ZNF354A: variants seen among roughly 807,000 people sequenced by gnomAD.
ZNF354A encodes the protein zinc finger protein 354A.
In ZNF354A, 25 loss-of-function variants were observed where a neutral mutation model predicts 53.3. The observed-to-expected ratio is 0.47, with a 90% CI of 0.34 to 0.66. The LOEUF is 0.66. Ranked by LOEUF, ZNF354A falls within the 30% of genes least tolerant of loss-of-function variation. ZNF354A has a pLI of 0.01. For synonymous variants in ZNF354A, 228 were observed against 249.0 expected, an observed-to-expected ratio of 0.92 and a Z score of 0.79; for missense variants, 586 against 716.8, an observed-to-expected ratio of 0.82 and a Z score of 2.08.
In ZNF354A at chr5:178,717,056, C is replaced by T. The variant is rs904189608; in HGVS notation, c.257-3435G>A. 2.4e-5 allele frequency among the ~76,000 whole-genome samples: 3 copies of T among 122,616 alleles called. No individual in the cohort carries two copies. The Admixed American group carries it at 3.5e-4, about 14-fold the overall frequency. 80.4% of individuals were successfully genotyped at this position (122,616 alleles called of 152,430 possible). A position where few individuals can be genotyped will look rare whatever the true frequency, so the allele number is the denominator to read the frequency against. ...TCACATGACTGCACACCAGCCTGGG[C>T]GACAGAGTGAGACTCCATCTCAAAA... On this transcript the variant is annotated intron_variant, in intron 4 of 4. Coordinates refer to ENST00000335815, the MANE Select transcript of ZNF354A (RefSeq NM_005649.3).
chr5:178,716,838 G>T (rs1765724016), intron 4 of ZNF354A, among the ~76,000 whole-genome samples: 1 of 152,106 alleles, frequency 6.6e-6, no homozygotes, highest in South Asian at 2.1e-4. Flanking sequence ...TAGCACTTTG[G>T]GAGGCCGAGG....
intron 4 of ZNF354A, among the ~76,000 whole-genome samples, chr5:178,716,834 T>G (rs1295169241): frequency 6.6e-6 from 1 of 151,762 alleles, no homozygotes; most frequent in Non-Finnish European, 1.5e-5. Flanking sequence ...ATCCTAGCAC[T>G]TTGGGAGGCC....
At chr5:178,727,384 CTCTT>C (rs1429402525) in intron 2 of ZNF354A, among the ~76,000 whole-genome samples, 3 of 152,170 alleles carry the variant, frequency 2.0e-5, no homozygotes, top group African/African-American at 7.2e-5. Context: ...AATTAGAAAA[CTCTT>C]TCTGATGGCG....
At chr5:178,715,983 C>A (rs1382295763) in intron 4 of ZNF354A, among the ~76,000 whole-genome samples, 1 of 151,716 alleles carries the variant, frequency 6.6e-6, no homozygotes, top group African/African-American at 2.4e-5. Context: ...TGCAACCTCC[C>A]CCTCCCAGGT....
intron 4 of ZNF354A, among the ~76,000 whole-genome samples, chr5:178,724,594 T>TCA (rs1189213364): frequency 6.6e-6 from 1 of 152,168 alleles, no homozygotes; most frequent in Non-Finnish European, 1.5e-5. Context: ...CATAAGAACG[T>TCA]CACAAATATA....
intron 4 of ZNF354A, among the ~76,000 whole-genome samples, chr5:178,721,257 A>G (rs1212085871): frequency 1.3e-5 from 2 of 152,156 alleles, no homozygotes; most frequent in South Asian, 2.1e-4. Flanking sequence ...AGTGTGTTAC[A>G]CAAATCTAGA....
chr5:178,724,250 A>G (rs1326092053), intron 4 of ZNF354A, among the ~76,000 whole-genome samples: 7 of 148,690 alleles, frequency 4.7e-5, no homozygotes, highest in Middle Eastern at 6.9e-3. Flanking sequence ...TTTAAGACAG[A>G]GTCTCACTCT....
At chr5:178,725,554 C>G (rs1247242580) in intron 3 of ZNF354A, 83 bp from the exon 4 acceptor site, 5 of 1,420,122 alleles carry the variant, frequency 3.5e-6, no homozygotes, top group South Asian at 2.4e-5. Flanking sequence ...AAATACAGAA[C>G]TCACAGGATG....
chr5:178,726,284 A>T (rs976764423), intron 3 of ZNF354A: 1 of 448,456 alleles, frequency 2.2e-6, no homozygotes, highest in Admixed American at 2.4e-5. Flanking sequence ...ACCATTACGC[A>T]GCCCACAAAG....
In ZNF354A at chr5:178,712,812, A is replaced by C. The variant is rs1438372839; in HGVS notation, c.1066T>G (p.Cys356Gly). The C allele has an allele frequency of 6.2e-7, 1 of 1,614,022 alleles. No individual in the cohort carries two copies. Among genetic ancestry groups the C allele is most frequent in the Non-Finnish European group, 8.5e-7 (1 of 1,180,024 alleles). ...TTAAAGGTGTTGCCACATTCATTAC[A>C]TAAGTAGGACTTCTTTCTAGAATGA... ...RIHSRKKSYL[C>G]NECGNTFKSS... Residue 356 changes from cysteine (C) to glycine (G), a missense_variant, in exon 5 of 5, where the codon TGT becomes GGT. Cys to Gly is a radical substitution (Grantham distance 159, BLOSUM62 -3). Transcript: ENST00000335815.
At position 178,728,782 on chromosome 5, in the gene ZNF354A, C is replaced by CAAAAAAAAAA. The variant is rs1157233878; in HGVS notation, c.33+198_33+207dup. ...ACTGCCTGGGCGACAAAGCGAGATTCAAAAAAAAAAAAAAAAAAGAGAACC... is the reference window on the plus strand; with the variant it reads ...ACTGCCTGGGCGACAAAGCGAGATTCAAAAAAAAAAAAAAAAAAAAAAAAAAAAGAGAACC... On this transcript the variant is annotated intron_variant, in intron 2 of 4. Transcript: ENST00000335815. Among the ~76,000 whole-genome samples, 118 of 50,830 alleles carry CAAAAAAAAAA rather than the reference C, an allele frequency of 2.3e-3. 1 individual carries two copies. The highest frequency in any genetic ancestry group is 5.2e-3 in the African/African-American group (55 of 10,666). 33.3% of individuals were successfully genotyped at this position (50,830 alleles called of 152,430 possible).
chr5:178,719,218 T>C (rs897447924), intron 4 of ZNF354A, among the ~76,000 whole-genome samples: 4 of 152,246 alleles, frequency 2.6e-5, no homozygotes, highest in African/African-American at 9.6e-5. Flanking sequence ...GGCTCTATCC[T>C]AGGCATCGGT....
intron 1 of ZNF354A, among the ~76,000 whole-genome samples, chr5:178,729,872 G>GCTTCTTCTTTTTTTT (rs746292908): frequency 1.4e-5 from 2 of 143,338 alleles, no homozygotes; most frequent in African/African-American, 2.6e-5. Flanking sequence ...CTAACACGAT[G>GCTTCTTCTTTTTTTT]TTTCTTTTTT....
chr5:178,720,141 C>A lies in ZNF354A; in HGVS notation c.256+5235G>T, dbSNP rs1765785889. On this transcript the variant is annotated intron_variant, in intron 4 of 4. Coordinates refer to ENST00000335815, the MANE Select transcript of ZNF354A (RefSeq NM_005649.3). ...TTTTAGAAATGTTGTTGTGGTAACT[C>A]TTATTTTTAAAGCTTTTAACATAGA... Among the ~76,000 whole-genome samples, 3 of 152,192 alleles carry A rather than the reference C, an allele frequency of 2.0e-5. No homozygotes were observed. The South Asian group carries it at 6.2e-4, about 32-fold the overall frequency.
chr5:178,727,832 C>G (rs1238627338), intron 2 of ZNF354A, among the ~76,000 whole-genome samples: 1 of 151,658 alleles, frequency 6.6e-6, no homozygotes, highest in African/African-American at 2.4e-5. Context: ...AGTCACTGAC[C>G]AGCTGTGTGA....
In ZNF354A at chr5:178,712,212, C is replaced by G; in HGVS notation, c.1666G>C (p.Gly556Arg). 6.2e-7 allele frequency: 1 copy of G among 1,614,052 alleles called. No individual in the cohort carries two copies. The highest frequency in any genetic ancestry group is 8.5e-7 in the Non-Finnish European group (1 of 1,179,992). ...GATGAGCTTTGTCTAAAAGTTTTTCCACATGTATTACATTTAAAGGGTTTT... is the reference window on the plus strand; with the variant it reads ...GATGAGCTTTGTCTAAAAGTTTTTCGACATGTATTACATTTAAAGGGTTTT... ...GEKPFKCNTC[G>R]KTFRQSSSRI... The change falls in exon 5 of 5, where the codon GGA becomes CGA. Residue 556 changes from glycine (G) to arginine (R), a missense_variant. Transcript: ENST00000335815.
intron 4 of ZNF354A, among the ~76,000 whole-genome samples, chr5:178,715,397 G>T (rs1230070113): frequency 6.6e-6 from 1 of 151,810 alleles, no homozygotes; most frequent in African/African-American, 2.4e-5. Flanking sequence ...TAGGGTTTTG[G>T]ATTTTTTTTT....
chr5:178,725,856 T>C (rs77240047), intron 3 of ZNF354A, among the ~76,000 whole-genome samples: 27 of 151,264 alleles, frequency 1.8e-4, no homozygotes, highest in African/African-American at 6.3e-4. Context: ...CTGACTCCGC[T>C]TTTTTTTTCT....
chr5:178,729,872 G>GCTTCTT (rs746292908), intron 1 of ZNF354A, among the ~76,000 whole-genome samples: 24 of 143,398 alleles, frequency 1.7e-4, no homozygotes, highest in East Asian at 6.3e-4. Context: ...CTAACACGAT[G>GCTTCTT]TTTCTTTTTT....
Sources: gnomAD v4.1 joint callset for allele counts (sites outside exome capture counted in the v4.1 genomes callset) on GRCh38, gnomAD v4.1.1 for gene constraint, MANE v1.5 for transcripts, NCBI Gene and HGNC (gene_info 2026-07-23, HGNC 2026-07-21) for gene names.